The following PRSS41 variants were observed in gnomAD, a reference collection of about 807,000 sequenced individuals.
PRSS41 encodes serine protease 41.
In PRSS41, 37 loss-of-function variants were observed where a neutral mutation model predicts 28.8. The observed-to-expected ratio is 1.29, with a 90% CI of 0.99 to 1.69. The LOEUF is 1.69. Ranked by LOEUF, PRSS41 falls within the 40% of genes most tolerant of loss-of-function variation. PRSS41 has a pLI of 0.00. For missense variants in PRSS41, 431 were observed against 400.7 expected (o/e 1.08, Z -0.65); for synonymous variants, 195 against 163.1 (o/e 1.20, Z -1.49).
chr16:2,804,392 C>T (rs2069006799), exon 5 of PRSS41: 1 of 1,551,490 alleles, frequency 6.4e-7, no homozygotes, highest in South Asian at 1.2e-5. Flanking sequence ...TCTCCAGCAC[C>T]TCTGCCACCT....
exon 6 of PRSS41, chr16:2,805,170 G>C (rs1435796336): frequency 2.7e-6 from 4 of 1,489,922 alleles, no homozygotes; most frequent in Non-Finnish European, 1.8e-6. Flanking sequence ...AAACTGTGAG[G>C]CTGCAGTGGG....
At chr16:2,799,936 G>C (rs2068975782) in intron 4 of PRSS41, among the ~76,000 whole-genome samples, 1 of 152,236 alleles carries the variant, frequency 6.6e-6, no homozygotes, top group African/African-American at 2.4e-5. Context: ...ATTTTCAAGT[G>C]TTCAGTGTTG....
chr16:2,804,604 A>G (rs747618391), intron 5 of PRSS41, 58 bp downstream of exon 5: 6 of 1,489,982 alleles, frequency 4.0e-6, no homozygotes, highest in Non-Finnish European at 5.5e-6. Context: ...ACCTGAGAGC[A>G]GCTACCATTT....
chr16:2,799,265 C>T (rs1360961872), intron 3 of PRSS41, 21 bp from the exon 4 acceptor site: 1 of 1,550,072 alleles, frequency 6.5e-7, no homozygotes, highest in African/African-American at 1.4e-5. Flanking sequence ...AGGCTCCCCG[C>T]CCTCTCTCCT....
intron 4 of PRSS41, 126 bp downstream of exon 4, chr16:2,799,695 C>A: frequency 1.0e-6 from 1 of 967,208 alleles, no homozygotes; most frequent in Non-Finnish European, 1.5e-6. Flanking sequence ...TGCGCCCCTC[C>A]TGCTCTCATT....
rs1411209230 is a variant in PRSS41 at position 2,805,094 on chromosome 16, C to T, written c.880C>T (p.Gln294Ter). ...CAGTACACCCAGGCCAAACCCCTCC[C>T]AGCTGTTGCTGCTCCTTGCCCTGCT... The change falls in exon 6 of 6, where the codon CAG (glutamine) becomes TAG (stop). Residue 294 changes from glutamine to a stop codon, truncating the protein, a stop_gained. Transcript: ENST00000399677. LOFTEE classifies it low-confidence loss of function (END_TRUNC). The T allele has an allele frequency of 2.6e-6, 4 of 1,551,690 alleles. No individual in the cohort carries two copies. Among genetic ancestry groups the T allele is most frequent in the Non-Finnish European group, 3.5e-6 (4 of 1,147,010 alleles).
chr16:2,805,170 G>T, exon 6 of PRSS41: 3 of 1,489,922 alleles, frequency 2.0e-6, no homozygotes, highest in Non-Finnish European at 1.8e-6. Context: ...AAACTGTGAG[G>T]CTGCAGTGGG....
At chr16:2,804,931 C>T in exon 6 of PRSS41, 1 of 1,585,414 alleles carries the variant, frequency 6.3e-7, no homozygotes, top group Non-Finnish European at 8.6e-7. Flanking sequence ...CAGGTGGACC[C>T]TTGGTCTGTG....
At chr16:2,804,839 GC>G in intron 5 of PRSS41, 74 bp from the exon 6 acceptor site, 1 of 1,156,070 alleles carries the variant, frequency 8.6e-7, no homozygotes, top group Admixed American at 2.0e-5. Flanking sequence ...TAGCCCCACA[GC>G]CCCTCCTGCT....
In PRSS41 at chr16:2,799,579, G is replaced by A. The variant is rs1161911589; in HGVS notation, c.541+10G>A. On this transcript the variant is annotated intron_variant, in intron 4 of 5. Transcript: ENST00000399677. Reference sequence around the variant, plus strand: ...ATCAGCCCCAGTGGCAGTGAGGCTGGGGATAGACCGGGTGGGGTGATGGGG... The same window carrying A: ...ATCAGCCCCAGTGGCAGTGAGGCTGAGGATAGACCGGGTGGGGTGATGGGG... 2.6e-6 allele frequency: 4 copies of A among 1,550,556 alleles called. No individual in the cohort carries two copies. The highest frequency in any genetic ancestry group is 3.5e-6 in the Non-Finnish European group (4 of 1,146,820).
chr16:2,798,606 G>A (rs761894327), intron 1 of PRSS41, 30 bp from the exon 2 acceptor site: 3 of 1,522,878 alleles, frequency 2.0e-6, no homozygotes, highest in Middle Eastern at 1.8e-4. Context: ...GGAGGTGGAG[G>A]CCGCGAGGGT....
intron 4 of PRSS41, among the ~76,000 whole-genome samples, chr16:2,800,955 T>A (rs73481118): frequency 0.021 from 3,158 of 152,246 alleles, 97 homozygotes; most frequent in African/African-American, 0.07. Context: ...ATACAACATA[T>A]GATTTTTAGG....
chr16:2,801,313 T>C (rs1195467132), intron 4 of PRSS41, among the ~76,000 whole-genome samples: 3 of 152,204 alleles, frequency 2.0e-5, no homozygotes, highest in Admixed American at 1.3e-4. Flanking sequence ...TTTATCAATA[T>C]GTAATGTTGT....
At chr16:2,804,188 T>C (rs2150800544) in intron 4 of PRSS41, among the ~76,000 whole-genome samples, 1 of 152,366 alleles carries the variant, frequency 6.6e-6, no homozygotes, top group East Asian at 1.9e-4. Flanking sequence ...TGCAACAGCC[T>C]GGCCCATCTA....
chr16:2,802,457 A>T (rs1287389482), intron 4 of PRSS41, among the ~76,000 whole-genome samples: 1 of 135,088 alleles, frequency 7.4e-6, no homozygotes, highest in African/African-American at 2.8e-5. Flanking sequence ...AGGCAGAGAC[A>T]CTCCTCACTT....
chr16:2,798,893 G>A lies in PRSS41; in HGVS notation c.92-66G>A, dbSNP rs958021568. ...GCTGCGCGCACCCCGGGGCAAAGCC[G>A]GGCAGGGCGGGCCTGCCCACCCCAC... On this transcript the variant is annotated intron_variant, in intron 2 of 5. Transcript: ENST00000399677. 8.3e-5 allele frequency: 120 copies of A among 1,446,906 alleles called. 4 individuals are homozygous for A. The African/African-American group carries it at 1.5e-3, about 18-fold the overall frequency. 89.6% of individuals were successfully genotyped at this position (1,446,906 alleles called of 1,614,324 possible). A position where few individuals can be genotyped will look rare whatever the true frequency, so the allele number is the denominator to read the frequency against.
At chr16:2,799,096 G>A (rs768065501) in exon 3 of PRSS41, 2 of 1,532,388 alleles carry the variant, frequency 1.3e-6, no homozygotes, top group South Asian at 1.2e-5. Context: ...CCGCCGCTGG[G>A]TGCTCTCGGC....
exon 6 of PRSS41, chr16:2,805,149 G>T (rs1320422900): frequency 1.6e-5 from 24 of 1,539,684 alleles, no homozygotes; most frequent in Non-Finnish European, 2.0e-5. Context: ...CAGCCATTCT[G>T]AGTGCACCAG....
At chr16:2,803,646 C>T (rs965833671) in intron 4 of PRSS41, among the ~76,000 whole-genome samples, 3 of 152,292 alleles carry the variant, frequency 2.0e-5, no homozygotes, top group Admixed American at 6.5e-5. Flanking sequence ...GACCAGGGCT[C>T]TTTGTTTGTA....
Sources: gnomAD v4.1 joint callset for allele counts (sites outside exome capture counted in the v4.1 genomes callset) on GRCh38, gnomAD v4.1.1 for gene constraint, MANE v1.5 for transcripts, NCBI Gene and HGNC (gene_info 2026-07-23, HGNC 2026-07-21) for gene names.